PCDHA5: variants seen among roughly 807,000 people sequenced by gnomAD.
PCDHA5 encodes protocadherin alpha 5.
Under a neutral mutation model 61.6 loss-of-function variants are expected in PCDHA5, and 43 were observed. That is an observed-to-expected ratio of 0.70 (90% CI 0.55 to 0.90). The LOEUF is 0.90. Among genes scored for constraint, PCDHA5 ranks in the 40% least tolerant of loss-of-function variants. The probability of loss-of-function intolerance (pLI) is 0.00; values close to 1 mark genes in which losing one functional copy is unlikely to be tolerated. For missense variants in PCDHA5, 1,298 were observed against 1,222.7 expected (o/e 1.06, Z -0.92); for synonymous variants, 627 against 543.9 (o/e 1.15, Z -2.13).
intron 1 of PCDHA5, among the ~76,000 whole-genome samples, chr5:140,909,299 T>G (rs561949225): frequency 6.6e-6 from 1 of 152,320 alleles, no homozygotes; most frequent in Non-Finnish European, 1.5e-5. Flanking sequence ...TGGACAGGAA[T>G]GGAGAAAAAG....
chr5:140,897,161 G>C (rs1554187213), intron 1 of PCDHA5, among the ~76,000 whole-genome samples: 1 of 151,938 alleles, frequency 6.6e-6, no homozygotes, highest in African/African-American at 2.4e-5. Flanking sequence ...TTCTTCTACT[G>C]TCTATCTCCA....
intron 1 of PCDHA5, chr5:140,967,158 T>G (rs1586192830): frequency 6.2e-7 from 1 of 1,610,448 alleles, no homozygotes. Context: ...CCCGTGGCGG[T>G]GAGCGCCGTT....
chr5:140,875,360 GA>G, intron 1 of PCDHA5: 1 of 1,447,846 alleles, frequency 6.9e-7, no homozygotes, highest in Non-Finnish European at 9.1e-7. Context: ...TGTGATGCTG[GA>G]AAAAATTTAC....
At chr5:141,004,919 T>A (rs144687292) in intron 3 of PCDHA5, among the ~76,000 whole-genome samples, 2 of 152,264 alleles carry the variant, frequency 1.3e-5, no homozygotes, top group East Asian at 3.9e-4. Flanking sequence ...GGAAAAGGGT[T>A]TGGAAGAGAG....
chr5:140,917,039 A>G (rs1279228933), intron 1 of PCDHA5, among the ~76,000 whole-genome samples: 1 of 152,132 alleles, frequency 6.6e-6, no homozygotes, highest in African/African-American at 2.4e-5. Flanking sequence ...TGAGTCCAGC[A>G]CAGTGTTGTT....
At chr5:140,856,271 G>A (rs782472888) in intron 1 of PCDHA5, 1 of 1,598,148 alleles carries the variant, frequency 6.3e-7, no homozygotes, top group Admixed American at 1.7e-5. Flanking sequence ...GGACCTTCTG[G>A]AGGTAAATCT....
chr5:140,927,293 C>T (rs782386645), intron 1 of PCDHA5: 5 of 1,614,176 alleles, frequency 3.1e-6, no homozygotes, highest in Non-Finnish European at 3.4e-6. Flanking sequence ...CTGCACATCC[C>T]CGAGTTCCTG....
At chr5:140,865,269 T>C (rs2048801874) in intron 1 of PCDHA5, 1 of 152,262 alleles carries the variant, frequency 6.6e-6, no homozygotes. Flanking sequence ...TATCAAATTA[T>C]ATGTAAAATT....
At chr5:140,877,935 C>A (rs1184618592) in intron 1 of PCDHA5, 28 of 1,388,566 alleles carry the variant, frequency 2.0e-5, no homozygotes, top group Admixed American at 3.0e-5. Context: ...TGATTCTATC[C>A]TTTAAACTAT....
intron 1 of PCDHA5, among the ~76,000 whole-genome samples, chr5:140,937,326 C>A (rs1287239556): frequency 2.0e-5 from 3 of 152,046 alleles, no homozygotes; most frequent in African/African-American, 7.2e-5. Flanking sequence ...CGTGAGCCAC[C>A]GCGCCCGGCT....
rs1254354370 is a variant in PCDHA5, at chr5:140,853,174, T to C, written c.2352+29047T>C. Reference sequence around the variant, plus strand: ...GATTACAGGCGTGAGCCACCGCGCCTGGCCTAAAATGTGTTCTTTATTATT... The same window carrying C: ...GATTACAGGCGTGAGCCACCGCGCCCGGCCTAAAATGTGTTCTTTATTATT... On this transcript the variant is annotated intron_variant, in intron 1 of 3. Coordinates refer to ENST00000529859, the MANE Select transcript of PCDHA5 (RefSeq NM_018908.3). 56 of 970,124 alleles carry C rather than the reference T, an allele frequency of 5.8e-5. 5 individuals carry two copies. Among genetic ancestry groups the C allele is most frequent in the Non-Finnish European group, 6.7e-5 (54 of 803,994 alleles). 60.1% of individuals were successfully genotyped at this position (970,124 alleles called of 1,614,324 possible). A position where few individuals can be genotyped will look rare whatever the true frequency, so the allele number is the denominator to read the frequency against.
chr5:140,966,543 A>G lies in PCDHA5; in HGVS notation c.2353-12406A>G, dbSNP rs200134570. 641 of 461,190 alleles carry G rather than the reference A, an allele frequency of 1.4e-3. 4 individuals carry two copies. The highest frequency in any genetic ancestry group is 0.011 in the African/African-American group (555 of 49,108). The allele number at this position is 461,190 out of a possible 1,614,324, so 28.6% of individuals were successfully genotyped here. ...AGCCGAGCCGGGTTGAGCGACTCGGAGGCGAGCGGAGGAGCTGGAATATGG... is the reference window on the plus strand; with the variant it reads ...AGCCGAGCCGGGTTGAGCGACTCGGGGGCGAGCGGAGGAGCTGGAATATGG... On this transcript the variant is annotated intron_variant, in intron 1 of 3. Coordinates refer to ENST00000529859, the MANE Select transcript of PCDHA5 (RefSeq NM_018908.3).
chr5:140,836,479 A>T (rs2150261822), intron 1 of PCDHA5: 2 of 1,613,682 alleles, frequency 1.2e-6, no homozygotes, highest in South Asian at 2.2e-5. Flanking sequence ...GTCAACGTGT[A>T]CCTGATCATC....
chr5:140,980,635 A>AT (rs1224584187), intron 2 of PCDHA5, among the ~76,000 whole-genome samples: 1 of 152,232 alleles, frequency 6.6e-6, no homozygotes, highest in Non-Finnish European at 1.5e-5. Context: ...TCTCAGAAGA[A>AT]TAAATAAATG....
chr5:140,869,919 A>G (rs1554163602), intron 1 of PCDHA5: 3 of 1,611,440 alleles, frequency 1.9e-6, no homozygotes. Flanking sequence ...GAGACGAAGG[A>G]GTCAATGGAG....
At chr5:140,881,454 C>A in intron 1 of PCDHA5, 1 of 705,924 alleles carries the variant, frequency 1.4e-6, no homozygotes, top group Non-Finnish European at 1.7e-6. Context: ...AATCCAAAAC[C>A]TTAGAGCATT....
At chr5:140,966,865 G>T (rs1554228807) in intron 1 of PCDHA5, 4 of 1,565,172 alleles carry the variant, frequency 2.6e-6, no homozygotes, top group Non-Finnish European at 1.7e-6. Context: ...TGCTGTTGCT[G>T]CTGCTGCTAC....
Position 140,851,530 on chromosome 5 carries a change from A to AT in PCDHA5, c.2352+27404dup, listed in dbSNP as rs746126939. ...AAAATATGTTTTAAAATGCCTGACA[A>AT]TGTAGATAATTCAAGAAATGTTGAC... is the stretch of plus-strand genomic sequence containing the variant. On this transcript the variant is annotated intron_variant, in intron 1 of 3. Transcript: ENST00000529859. 7.7e-4 allele frequency: 698 copies of AT among 902,810 alleles called. 38 individuals are homozygous for AT. The highest frequency in any genetic ancestry group is 9.1e-4 in the Non-Finnish European group (671 of 740,872). 55.9% of individuals were successfully genotyped at this position (902,810 alleles called of 1,614,324 possible).
intron 1 of PCDHA5, among the ~76,000 whole-genome samples, chr5:140,973,993 G>T (rs1554235720): frequency 6.6e-6 from 1 of 152,122 alleles, no homozygotes. Flanking sequence ...ACTTCACCTG[G>T]ATCAATGTTT....
Sources: gnomAD v4.1 joint callset for allele counts (sites outside exome capture counted in the v4.1 genomes callset) on GRCh38, gnomAD v4.1.1 for gene constraint, MANE v1.5 for transcripts, NCBI Gene and HGNC (gene_info 2026-07-23, HGNC 2026-07-21) for gene names.